The following BEND6 variants were observed in gnomAD, a reference collection of about 807,000 sequenced individuals.
BEND6 encodes BEN domain-containing protein 6.
Under a neutral mutation model 31.8 loss-of-function variants are expected in BEND6, and 24 were observed. The ratio of observed to expected loss-of-function variants is 0.75; its 90% confidence interval spans 0.55 to 1.06. The LOEUF (loss-of-function observed/expected upper bound fraction) is 1.06. Among genes scored for constraint, BEND6 ranks in the 50% least tolerant of loss-of-function variants. BEND6 has a pLI of 0.00. For synonymous variants in BEND6, 109 were observed against 114.6 expected (o/e 0.95, Z 0.31); for missense variants, 294 against 327.4 (o/e 0.90, Z 0.79).
intron 6 of BEND6, among the ~76,000 whole-genome samples, chr6:57,025,683 C>A (rs1473179943): frequency 6.6e-6 from 1 of 152,152 alleles, no homozygotes; most frequent in Non-Finnish European, 1.5e-5. Flanking sequence ...AGTGTAGAAA[C>A]TGAGTCAGGA....
rs1827901935 is a variant in BEND6 at position 57,026,331 on chromosome 6, TA to T, written c.*260del. On this transcript the variant is annotated 3_prime_UTR_variant, in exon 7 of 7. Transcript: ENST00000370746. ...TTCTGCCAGTCAAATAAGCATGCAA[TA>T]TGGTTTCTTTGGAAATAAGCATTTC... is the stretch of plus-strand genomic sequence containing the variant. The T allele has an allele frequency of 6.6e-6, 1 of 152,210 alleles. No homozygotes were observed. Among genetic ancestry groups the T allele is most frequent in the Non-Finnish European group, 1.5e-5 (1 of 68,034 alleles). 9.4% of individuals were successfully genotyped at this position (152,210 alleles called of 1,614,324 possible). A position where few individuals can be genotyped will look rare whatever the true frequency, so the allele number is the denominator to read the frequency against.
At chr6:57,005,816 GA>G (rs1827139361) in intron 3 of BEND6, among the ~76,000 whole-genome samples, 1 of 151,790 alleles carries the variant, frequency 6.6e-6, no homozygotes, top group African/African-American at 2.4e-5. Context: ...ATAAGTTGAC[GA>G]AAAATATTCT....
At chr6:56,974,169 C>A (rs1267144150) in intron 1 of BEND6, among the ~76,000 whole-genome samples, 1 of 152,066 alleles carries the variant, frequency 6.6e-6, no homozygotes, top group African/African-American at 2.4e-5. Context: ...GAGTAGAGTA[C>A]TGTTTTTAAT....
intron 2 of BEND6, 103 bp downstream of exon 2, chr6:56,982,033 A>G (rs1257264471): frequency 1.0e-5 from 13 of 1,238,712 alleles, no homozygotes; most frequent in African/African-American, 1.6e-5. Context: ...CTATTATTTA[A>G]TTCTTTTCAT....
intron 3 of BEND6, among the ~76,000 whole-genome samples, chr6:56,995,582 G>A (rs1826676071): frequency 6.6e-6 from 1 of 152,174 alleles, no homozygotes; most frequent in African/African-American, 2.4e-5. Flanking sequence ...GGAATAATCT[G>A]TTCAGGTTTC....
intron 2 of BEND6, among the ~76,000 whole-genome samples, chr6:56,982,700 G>A (rs1365067996): frequency 2.6e-5 from 4 of 151,578 alleles, no homozygotes; most frequent in Admixed American, 6.6e-5. Context: ...AAAGGTAAAC[G>A]GTGAAAAGTT....
intron 1 of BEND6, among the ~76,000 whole-genome samples, chr6:56,970,145 C>T (rs986632337): frequency 6.6e-6 from 1 of 152,056 alleles, no homozygotes; most frequent in East Asian, 1.9e-4. Flanking sequence ...TTTACTGTAA[C>T]AGTCAAAAAA....
In BEND6 at chr6:57,015,150, AC is replaced by A. The variant is rs1827493065; in HGVS notation, c.319del (p.Gln107SerfsTer55). 6.2e-7 allele frequency: 1 copy of A among 1,613,984 alleles called. No individual in the cohort carries two copies. The highest frequency in any genetic ancestry group is 8.5e-7 in the Non-Finnish European group (1 of 1,179,984). ...CATTTTAGTGTTACCACAAGCAGTC[AC>A]CCAGTTTGAAGAATTGGTTGGTATG... ...VMLQVLPQAVTQFEELVGMAE... is the reference protein window; with the variant it reads ...VMLQVLPQAVXQFEELVGMAE... On this transcript the variant is annotated frameshift_variant, in exon 4 of 7. Transcript: ENST00000370746. LOFTEE classifies it high-confidence loss of function.
intron 3 of BEND6, among the ~76,000 whole-genome samples, chr6:56,996,218 G>A (rs192937119): frequency 4.6e-5 from 7 of 152,244 alleles, no homozygotes; most frequent in Admixed American, 1.3e-4. Flanking sequence ...AGGCCAAAGC[G>A]GGTGGATCAC....
rs6904144 is a variant in BEND6, at chr6:56,985,928, C to T, written c.120+3998C>T. On this transcript the variant is annotated intron_variant, in intron 2 of 6. Transcript: ENST00000370746. The stretch of plus-strand genomic sequence containing the variant: ...CAATCTAATATGTGTCTGTTAACTT[C>T]ATTTCCTTCCACTGATGCTTACAAA... Among the ~76,000 whole-genome samples the T allele has an allele frequency of 9.3e-3, 1,420 of 152,266 alleles. 23 individuals are homozygous for T. The highest frequency in any genetic ancestry group is 0.032 in the African/African-American group (1,339 of 41,562).
intron 3 of BEND6, chr6:57,009,610 T>A (rs765261591): frequency 8.5e-5 from 13 of 152,088 alleles, no homozygotes; most frequent in Non-Finnish European, 1.6e-4. Context: ...AAATGAGACT[T>A]GTGAAGAAGC....
At chr6:56,958,150 TG>T (rs1403037613) in intron 1 of BEND6, among the ~76,000 whole-genome samples, 11 of 152,188 alleles carry the variant, frequency 7.2e-5, no homozygotes, top group Non-Finnish European at 8.8e-5. Flanking sequence ...GCGTTCAGCA[TG>T]TGTGAGCAAG....
At chr6:56,988,301 C>T (rs1273748326) in intron 2 of BEND6, among the ~76,000 whole-genome samples, 2 of 152,112 alleles carry the variant, frequency 1.3e-5, no homozygotes, top group Non-Finnish European at 1.5e-5. Context: ...CAGGCGTGAG[C>T]CACCACGCCC....
At chr6:56,992,157 C>T (rs1826528179) in intron 2 of BEND6, among the ~76,000 whole-genome samples, 1 of 152,146 alleles carries the variant, frequency 6.6e-6, no homozygotes, top group South Asian at 2.1e-4. Flanking sequence ...ATTCAGAATC[C>T]TGGTTTCTGT....
intron 1 of BEND6, among the ~76,000 whole-genome samples, chr6:56,955,771 GAAGT>G (rs1237285098): frequency 6.6e-6 from 1 of 152,260 alleles, no homozygotes; most frequent in Non-Finnish European, 1.5e-5. Context: ...CCTGGCAGAT[GAAGT>G]AAGTTGGTAC....
At chr6:56,973,578 C>T (rs1221028299) in intron 1 of BEND6, among the ~76,000 whole-genome samples, 1 of 152,114 alleles carries the variant, frequency 6.6e-6, no homozygotes, top group Non-Finnish European at 1.5e-5. Context: ...TGGTCTTCCT[C>T]TCTCTCAAAA....
At chr6:57,005,689 AAAAC>A (rs1485480918) in intron 3 of BEND6, among the ~76,000 whole-genome samples, 2 of 152,032 alleles carry the variant, frequency 1.3e-5, no homozygotes, top group African/African-American at 4.8e-5. Flanking sequence ...AAAAAAAAAA[AAAAC>A]AAAGACTTGT....
At chr6:56,956,983 G>A (rs1825107349) in intron 1 of BEND6, among the ~76,000 whole-genome samples, 1 of 152,218 alleles carries the variant, frequency 6.6e-6, no homozygotes, top group African/African-American at 2.4e-5. Context: ...ATTTTGGAAG[G>A]TCATCTTTAT....
intron 1 of BEND6, among the ~76,000 whole-genome samples, chr6:56,965,172 T>C (rs1825424742): frequency 6.6e-6 from 1 of 152,190 alleles, no homozygotes; most frequent in Non-Finnish European, 1.5e-5. Flanking sequence ...AAATGTGTAA[T>C]GTAGCTGATC....
Sources: allele counts gnomAD v4.1 joint callset (sites outside exome capture counted in the v4.1 genomes callset), GRCh38; gene constraint gnomAD v4.1.1; transcripts MANE v1.5; gene names NCBI Gene and HGNC (gene_info 2026-07-23, HGNC 2026-07-21).